SV2B: variants seen among roughly 807,000 people sequenced by gnomAD.
SV2B encodes the protein solute carrier family 22 member B2.
A neutral mutation model predicts 73.9 loss-of-function variants in SV2B; 41 were observed. That is an observed-to-expected ratio of 0.56 (90% CI 0.43 to 0.72). The LOEUF is 0.72. SV2B is among the 30% of genes least tolerant of loss of function. The pLI is 0.00. For missense variants in SV2B, 764 were observed against 857.8 expected, an observed-to-expected ratio of 0.89 and a Z score of 1.37; for synonymous variants, 314 against 314.2, an observed-to-expected ratio of 1.00 and a Z score of 0.01.
intron 1 of SV2B, among the ~76,000 whole-genome samples, chr15:91,104,210 T>G (rs2023713): frequency 0.48 from 73,718 of 152,024 alleles, 18,940 homozygotes; most frequent in Non-Finnish European, 0.57. Flanking sequence ...CAGTTCTGAG[T>G]TGTGCTTGCT....
At chr15:91,133,620 TC>T (rs1216388813) in intron 1 of SV2B, among the ~76,000 whole-genome samples, 2 of 152,140 alleles carry the variant, frequency 1.3e-5, no homozygotes, top group Non-Finnish European at 2.9e-5. Flanking sequence ...CGGCAGGGCT[TC>T]CATCCACTGC....
rs2048694155 is a variant in SV2B, at chr15:91,281,897, A to T, written c.1507+36A>T. On this transcript the variant is annotated intron_variant, in intron 10 of 12. Transcript: ENST00000394232. This position sits in a 1 kb window ranked among gnomAD's most constrained non-coding sequence, Gnocchi z 4.7. ...ACATTGACAGATTGAATAGAAAGTA[A>T]CAGGAGACAACTTGTGTTGTCCAAG... 1.3e-6 allele frequency: 2 copies of T among 1,567,044 alleles called. No individual in the cohort carries two copies. The highest frequency in any genetic ancestry group is 8.7e-7 in the Non-Finnish European group (1 of 1,150,764).
In SV2B at chr15:91,168,181, A is replaced by T. The variant is rs116068977; in HGVS notation, c.-391-57692A>T. 9.8e-3 allele frequency among the ~76,000 whole-genome samples: 1,494 copies of T among 152,220 alleles called. 26 individuals carry two copies. The highest frequency in any genetic ancestry group is 0.035 in the African/African-American group (1,437 of 41,516). The stretch of plus-strand genomic sequence containing the variant: ...CCTTTCAATTTGTGATTGCCCTCAC[A>T]GTCTCTGGCTCCCAGAGTCCCTTTA... On this transcript the variant is annotated intron_variant, in intron 1 of 12. Transcript: ENST00000394232.
At position 91,295,534 on chromosome 15, in the gene SV2B, C is replaced by T. The variant is rs141964968; in HGVS notation, c.*2982C>T. ...GCTTCCTTCAACTTTTATTTTGCAA[C>T]ATGGGGACCTTGAGAGGTTAAACGA... On this transcript the variant is annotated 3_prime_UTR_variant, in exon 13 of 13. Transcript: ENST00000394232. 7.3e-4 allele frequency: 111 copies of T among 152,258 alleles called. 1 individual carries two copies. The highest frequency in any genetic ancestry group is 2.5e-3 in the African/African-American group (102 of 41,548). 9.4% of individuals were successfully genotyped at this position (152,258 alleles called of 1,614,324 possible). A position where few individuals can be genotyped will look rare whatever the true frequency, so the allele number is the denominator to read the frequency against.
At position 91,226,629 on chromosome 15, in the gene SV2B, T is replaced by C. The variant is rs1033979803; in HGVS notation, c.366T>C (p.Asp122=). 2 of 1,614,086 alleles carry C rather than the reference T, an allele frequency of 1.2e-6. No homozygotes were observed. The highest frequency in any genetic ancestry group is 1.7e-6 in the Non-Finnish European group (2 of 1,180,010). ...FFVLGLALMA[D]GVEVFVVSFA... Reference sequence around the variant, plus strand: ...TCTTGGGTTTGGCCCTGATGGCCGATGGGGTGGAAGTGTTCGTGGTGAGTT... The same window carrying C: ...TCTTGGGTTTGGCCCTGATGGCCGACGGGGTGGAAGTGTTCGTGGTGAGTT... Residue 122 remains aspartate, a synonymous_variant, in exon 2 of 13, where the codon GAT becomes GAC. Coordinates refer to ENST00000394232, the MANE Select transcript of SV2B (RefSeq NM_001323032.3).
intron 4 of SV2B, among the ~76,000 whole-genome samples, chr15:91,256,881 A>C (rs2047714107): frequency 6.6e-6 from 1 of 152,216 alleles, no homozygotes; most frequent in Non-Finnish European, 1.5e-5. Context: ...GAACAAGTTG[A>C]ACCACAACGG....
chr15:91,209,669 G>T (rs1308454160), intron 1 of SV2B, among the ~76,000 whole-genome samples: 5 of 152,196 alleles, frequency 3.3e-5, no homozygotes, highest in Non-Finnish European at 7.3e-5. Flanking sequence ...ACCTGGGTTT[G>T]AATCTAGCTC....
At position 91,128,763 on chromosome 15, in the gene SV2B, C is replaced by T. The variant is rs2042560456; in HGVS notation, c.-392+28400C>T. On this transcript the variant is annotated intron_variant, in intron 1 of 12. Coordinates refer to ENST00000394232, the MANE Select transcript of SV2B (RefSeq NM_001323032.3). This position sits in a 1 kb window ranked among gnomAD's most constrained non-coding sequence, Gnocchi z 4.2. ...GTCCAGAGAGGGCCCTGCCCCACAC[C>T]CAGAAGGAAGGAATGCTGCCCAGAG... 1 of 152,432 alleles carries T rather than the reference C, an allele frequency of 6.6e-6. No homozygotes were observed. The highest frequency in any genetic ancestry group is 1.5e-5 in the Non-Finnish European group (1 of 68,244). 9.4% of individuals were successfully genotyped at this position (152,432 alleles called of 1,614,324 possible).
At chr15:91,259,761 C>A (rs772034649) in intron 5 of SV2B, among the ~76,000 whole-genome samples, 1 of 152,194 alleles carries the variant, frequency 6.6e-6, no homozygotes, top group Non-Finnish European at 1.5e-5. Flanking sequence ...ATGGTGTCCT[C>A]CCTGATGCCT....
chr15:91,291,381 A>G (rs2049034844), intron 12 of SV2B, among the ~76,000 whole-genome samples: 2 of 152,172 alleles, frequency 1.3e-5, no homozygotes, highest in Admixed American at 1.3e-4. Context: ...AGTTATAGAC[A>G]AAAATGAAAG....
chr15:91,252,518 A>G lies in SV2B; in HGVS notation c.782A>G (p.Tyr261Cys). 1.9e-6 allele frequency: 3 copies of G among 1,603,028 alleles called. No individual in the cohort carries two copies. The highest frequency in any genetic ancestry group is 1.1e-5 in the South Asian group (1 of 89,690). ...SAMAWSIIPH[Y>C]GWGFSMGTNY... The stretch of plus-strand genomic sequence containing the variant: ...ATGGCCTGGAGCATCATCCCACACT[A>G]TGGTGAGTCATGGCTCCAAACAGCC... Residue 261 changes from tyrosine (Y) to cysteine (C), a missense_variant and splice_region_variant, in exon 4 of 13, where the codon TAT (tyrosine) becomes TGT (cysteine). Tyr to Cys is a radical substitution (Grantham distance 194, BLOSUM62 -2). Transcript: ENST00000394232. The surrounding 1 kb of genome is among the most constrained non-coding windows in gnomAD (Gnocchi z 4.6).
chr15:91,226,276 A>G lies in SV2B; in HGVS notation c.13A>G (p.Lys5Glu). 1 of 1,614,146 alleles carries G rather than the reference A, an allele frequency of 6.2e-7. No homozygotes were observed. The highest frequency in any genetic ancestry group is 8.5e-7 in the Non-Finnish European group (1 of 1,180,014). The change falls in exon 2 of 13, where the codon AAG (lysine) becomes GAG (glutamate). Residue 5 changes from lysine to glutamate, a missense_variant. By Grantham distance (56) the Lys-to-Glu change is moderately conservative (BLOSUM62 1). Transcript: ENST00000394232. MDDYKYQDNYGGYAP... is the reference protein window; with the variant it reads MDDYEYQDNYGGYAP... ...GCAGAACCAAGGAATGGATGACTAC[A>G]AGTATCAGGACAATTATGGGGGCTA...
rs2048075313 is a variant in SV2B at position 91,265,705 on chromosome 15, C to A, written c.1009-877C>A. ...GTTCTGAAGCTTCTCTGTCTGACCT[C>A]AGGCGGAAGATCATTTGCAAAGGCT... is the stretch of plus-strand genomic sequence containing the variant. On this transcript the variant is annotated intron_variant, in intron 6 of 12. Transcript: ENST00000394232. This position sits in a 1 kb window ranked among gnomAD's most constrained non-coding sequence, Gnocchi z 4.2. 6.6e-6 allele frequency among the ~76,000 whole-genome samples: 1 copy of A among 152,216 alleles called. No homozygotes were observed. The highest frequency in any genetic ancestry group is 1.5e-5 in the Non-Finnish European group (1 of 68,036).
chr15:91,296,449 CCTT>C lies in SV2B; in HGVS notation c.*3900_*3902del, dbSNP rs1330852962. 1 of 152,348 alleles carries C rather than the reference CCTT, an allele frequency of 6.6e-6. No homozygotes were observed. The highest frequency in any genetic ancestry group is 1.5e-5 in the Non-Finnish European group (1 of 68,164). The allele number at this position is 152,348 out of a possible 1,614,324, so 9.4% of individuals were successfully genotyped here. A position where few individuals can be genotyped will look rare whatever the true frequency, so the allele number is the denominator to read the frequency against. On this transcript the variant is annotated 3_prime_UTR_variant, in exon 13 of 13. Transcript: ENST00000394232. ...CTGCCTTTGATCATGGGAGCACACT[CCTT>C]CTGCCCGATCATTGGGAGCACACTC...
chr15:91,152,409 GT>G (rs2043341990), intron 1 of SV2B, among the ~76,000 whole-genome samples: 1 of 152,146 alleles, frequency 6.6e-6, no homozygotes, highest in South Asian at 2.1e-4. Context: ...ACAGGGCACT[GT>G]TCCCACCTTT....
intron 1 of SV2B, among the ~76,000 whole-genome samples, chr15:91,149,379 C>T (rs970104968): frequency 3.3e-5 from 5 of 152,216 alleles, no homozygotes; most frequent in African/African-American, 9.6e-5. Flanking sequence ...TTGGGTGATC[C>T]GTAAATGCTT....
At chr15:91,226,787 A>T (rs2046398982) in intron 2 of SV2B, 73 bp downstream of exon 2, 1 of 1,508,988 alleles carries the variant, frequency 6.6e-7, no homozygotes, top group African/African-American at 1.4e-5. Context: ...ATCTGTCACT[A>T]TTAGGCACTT....
intron 1 of SV2B, among the ~76,000 whole-genome samples, chr15:91,103,101 G>A (rs1393251104): frequency 1.3e-5 from 2 of 152,208 alleles, no homozygotes; most frequent in Non-Finnish European, 2.9e-5. Flanking sequence ...CTGAGTTATT[G>A]TTTAAGGAAC....
chr15:91,283,008 G>A lies in SV2B; in HGVS notation c.1508-1013G>A, dbSNP rs757701608. On this transcript the variant is annotated intron_variant, in intron 10 of 12. Transcript: ENST00000394232. The surrounding 1 kb of genome is among the most constrained non-coding windows in gnomAD (Gnocchi z 4.3). ...TTACCATGGAGATTCTTGCAAACAC[G>A]TGTAGTCAGGAAATGTCAGAGCTGG... 9.2e-5 allele frequency among the ~76,000 whole-genome samples: 14 copies of A among 152,170 alleles called. No homozygotes were observed. The highest frequency in any genetic ancestry group is 2.1e-4 in the South Asian group (1 of 4,834).
Sources: gnomAD v4.1 joint callset for allele counts (sites outside exome capture counted in the v4.1 genomes callset) on GRCh38, gnomAD v4.1.1 for gene constraint, Gnocchi (gnomAD v3.1) non-coding constraint, MANE v1.5 for transcripts, NCBI Gene and HGNC (gene_info 2026-07-23, HGNC 2026-07-21) for gene names.